Variants in TWSG1 observed in about 807,000 individuals in gnomAD.
TWSG1 encodes twisted gastrulation BMP signaling modulator 1.
A neutral mutation model predicts 23.0 loss-of-function variants in TWSG1; 15 were observed. The observed-to-expected ratio is 0.65, with a 90% CI of 0.44 to 1.00. TWSG1 has a LOEUF of 1.00. TWSG1 is among the 50% of genes least tolerant of loss of function. The pLI is 0.00. For missense variants in TWSG1, 242 were observed against 278.7 expected (o/e 0.87, Z 0.94); for synonymous variants, 86 against 92.8 (o/e 0.93, Z 0.42).
At chr18:9,336,791 C>A (rs998522299) in intron 1 of TWSG1, among the ~76,000 whole-genome samples, 1 of 152,178 alleles carries the variant, frequency 6.6e-6, no homozygotes, top group Non-Finnish European at 1.5e-5. Context: ...TCTGGATAGT[C>A]TGAGGAACTG....
chr18:9,367,608 G>A (rs2040586053), intron 3 of TWSG1, among the ~76,000 whole-genome samples: 2 of 152,146 alleles, frequency 1.3e-5, no homozygotes, highest in South Asian at 4.1e-4. Flanking sequence ...GAGCGTCACC[G>A]CCTGAGCTCC....
chr18:9,349,704 A>T (rs1056490516), intron 2 of TWSG1, among the ~76,000 whole-genome samples: 3 of 152,172 alleles, frequency 2.0e-5, no homozygotes, highest in African/African-American at 7.2e-5. Flanking sequence ...ATTCAACTTT[A>T]GTCTCTTGCT....
Position 9,355,167 on chromosome 18 carries a change from G to A in TWSG1, c.124-4805G>A, listed in dbSNP as rs142736378. Among the ~76,000 whole-genome samples the A allele has an allele frequency of 2.9e-3, 440 of 152,112 alleles. 3 individuals are homozygous for A. Among genetic ancestry groups the A allele is most frequent in the African/African-American group, 0.01 (423 of 41,522 alleles). ...GAGACGGGGTTTCACCATGTTAGCCGGGATGGTCTCGATCTCCTGACCTTG... is the reference window on the plus strand; with the variant it reads ...GAGACGGGGTTTCACCATGTTAGCCAGGATGGTCTCGATCTCCTGACCTTG... On this transcript the variant is annotated intron_variant, in intron 2 of 4. Coordinates refer to ENST00000262120, the MANE Select transcript of TWSG1 (RefSeq NM_020648.6).
chr18:9,387,102 T>C (rs1224654036), intron 3 of TWSG1, among the ~76,000 whole-genome samples: 2 of 152,204 alleles, frequency 1.3e-5, no homozygotes, highest in South Asian at 2.1e-4. Context: ...TGCAGAATGA[T>C]AAGCACACAG....
rs6146209 is a variant in TWSG1, at chr18:9,343,210, TTATATATATATATA to T, written c.123+5896_123+5909del. Among the ~76,000 whole-genome samples, 1,108 of 131,826 alleles carry T rather than the reference TTATATATATATATA, an allele frequency of 8.4e-3. 14 individuals carry two copies. The highest frequency in any genetic ancestry group is 0.011 in the East Asian group (50 of 4,596). 86.5% of individuals were successfully genotyped at this position (131,826 alleles called of 152,430 possible). A position where few individuals can be genotyped will look rare whatever the true frequency, so the allele number is the denominator to read the frequency against. On this transcript the variant is annotated intron_variant, in intron 2 of 4. Coordinates refer to ENST00000262120, the MANE Select transcript of TWSG1 (RefSeq NM_020648.6). ...AGGAAATGCCCTGTTTTGTTTTTTG[TTATATATATATATA>T]TATATATATATATATATATATATAT...
chr18:9,394,141 G>A (rs972881655), intron 3 of TWSG1, among the ~76,000 whole-genome samples: 1 of 152,126 alleles, frequency 6.6e-6, no homozygotes, highest in African/African-American at 2.4e-5. Context: ...GCCAAAATGT[G>A]GAGTCAACCT....
At chr18:9,336,004 TC>T (rs1163579110) in intron 1 of TWSG1, among the ~76,000 whole-genome samples, 1 of 152,166 alleles carries the variant, frequency 6.6e-6, no homozygotes, top group African/African-American at 2.4e-5. Flanking sequence ...TTGGCCCCTG[TC>T]AGACTGTGTT....
At position 9,396,543 on chromosome 18, in the gene TWSG1, A is replaced by C; in HGVS notation, c.487A>C (p.Lys163Gln). The C allele has an allele frequency of 6.2e-7, 1 of 1,610,404 alleles. No homozygotes were observed. The highest frequency in any genetic ancestry group is 8.5e-7 in the Non-Finnish European group (1 of 1,179,552). Residue 163 changes from lysine to glutamine, a missense_variant, in exon 4 of 5, where the codon AAA (lysine) becomes CAA (glutamine). Physicochemically the swap from Lys to Gln is moderately conservative, Grantham distance 53. Coordinates refer to ENST00000262120, the MANE Select transcript of TWSG1 (RefSeq NM_020648.6). ...NNVHAPYSSD[K>Q]EHMCTVVYFD... is the part of the protein sequence containing the mutation. ...TGTTCACGCGCCTTATTCCAGTGAC[A>C]AAGGTAACTGCCAACAGTTGACTTT...
chr18:9,369,566 C>T (rs953525224), intron 3 of TWSG1, among the ~76,000 whole-genome samples: 8 of 152,120 alleles, frequency 5.3e-5, no homozygotes, highest in African/African-American at 1.9e-4. Flanking sequence ...GCACCTGGGC[C>T]CTTTGCCCAT....
chr18:9,360,000 G>C lies in TWSG1; in HGVS notation c.152G>C (p.Gly51Ala). Reference sequence around the variant, plus strand: ...CTCTGCCAGTGCCGGCCGGGAGAAGGCAATTGCTCCTGCTGTAAGGAGTGC... The same window carrying C: ...CTCTGCCAGTGCCGGCCGGGAGAAGCCAATTGCTCCTGCTGTAAGGAGTGC... ...QELCQCRPGE[G>A]NCSCCKECML... The change falls in exon 3 of 5, where the codon GGC becomes GCC. Residue 51 changes from glycine to alanine, a missense_variant. Transcript: ENST00000262120. 1.9e-6 allele frequency: 3 copies of C among 1,613,574 alleles called. No individual in the cohort carries two copies. Among genetic ancestry groups the C allele is most frequent in the Non-Finnish European group, 2.5e-6 (3 of 1,179,628 alleles).
At chr18:9,390,290 T>C (rs962500942) in intron 3 of TWSG1, among the ~76,000 whole-genome samples, 10 of 152,152 alleles carry the variant, frequency 6.6e-5, no homozygotes, top group African/African-American at 2.4e-4. Flanking sequence ...GCCTCCCGAG[T>C]AGCTGGGACT....
At chr18:9,384,860 G>A (rs1347386267) in intron 3 of TWSG1, among the ~76,000 whole-genome samples, 1 of 152,042 alleles carries the variant, frequency 6.6e-6, no homozygotes, top group Non-Finnish European at 1.5e-5. Flanking sequence ...TGGCCAGGCT[G>A]GTCTTGAACT....
intron 4 of TWSG1, among the ~76,000 whole-genome samples, chr18:9,398,846 T>G (rs183423872): frequency 5.3e-5 from 8 of 152,116 alleles, no homozygotes; most frequent in Middle Eastern, 3.4e-3. Flanking sequence ...ATTCCTCTAC[T>G]AAAAATATAA....
At chr18:9,341,238 C>T (rs184906672) in intron 2 of TWSG1, among the ~76,000 whole-genome samples, 132 of 152,350 alleles carry the variant, frequency 8.7e-4, no homozygotes, top group African/African-American at 3.1e-3. Flanking sequence ...AAAATACACT[C>T]TGCCACATAT....
chr18:9,378,325 A>G (rs777756514), intron 3 of TWSG1, among the ~76,000 whole-genome samples: 27 of 152,192 alleles, frequency 1.8e-4, no homozygotes, highest in Non-Finnish European at 3.4e-4. Context: ...AAGTCAAACT[A>G]TCCCTGTTTG....
At chr18:9,349,080 G>A (rs796615897) in intron 2 of TWSG1, among the ~76,000 whole-genome samples, 6 of 152,206 alleles carry the variant, frequency 3.9e-5, no homozygotes, top group African/African-American at 1.4e-4. Flanking sequence ...CATCAAGAAA[G>A]TAAAATTCAT....
intron 1 of TWSG1, among the ~76,000 whole-genome samples, chr18:9,335,920 T>C (rs971459094): frequency 3.5e-4 from 53 of 152,214 alleles, no homozygotes; most frequent in African/African-American, 1.2e-3. Context: ...TAATTTATTA[T>C]GTTTGATAGG....
At chr18:9,364,568 C>T (rs777828952) in intron 3 of TWSG1, among the ~76,000 whole-genome samples, 7 of 151,700 alleles carry the variant, frequency 4.6e-5, no homozygotes, top group South Asian at 2.1e-4. Flanking sequence ...CAAGAGGGGG[C>T]GAATCACCTT....
intron 1 of TWSG1, among the ~76,000 whole-genome samples, chr18:9,336,061 T>G (rs2040421549): frequency 6.6e-6 from 1 of 152,200 alleles, no homozygotes; most frequent in South Asian, 2.1e-4. Context: ...TAGTATCTTC[T>G]TAATAACTTT....
Sources: allele counts gnomAD v4.1 joint callset (sites outside exome capture counted in the v4.1 genomes callset), GRCh38; gene constraint gnomAD v4.1.1; transcripts MANE v1.5; gene names NCBI Gene and HGNC (gene_info 2026-07-23, HGNC 2026-07-21).